LEKR1: variants seen among roughly 807,000 people sequenced by gnomAD.
The protein encoded by LEKR1 is leucine, glutamate and lysine rich 1, also known as protein LEKR1.
A neutral mutation model predicts 72.4 loss-of-function variants in LEKR1; 59 were observed. That is an observed-to-expected ratio of 0.82 (90% CI 0.66 to 1.01). The LOEUF (loss-of-function observed/expected upper bound fraction) is 1.01. LEKR1 is among the 50% of genes least tolerant of loss of function. The pLI, the probability that LEKR1 is intolerant of heterozygous loss-of-function variation, is 0.00. For missense variants in LEKR1, 728 were observed against 759.2 expected (o/e 0.96, Z 0.48); for synonymous variants, 257 against 263.2 (o/e 0.98, Z 0.23).
intron 7 of LEKR1, among the ~76,000 whole-genome samples, chr3:156,981,607 C>T (rs976206961): frequency 4.6e-5 from 7 of 152,218 alleles, no homozygotes; most frequent in Non-Finnish European, 1.0e-4. Context: ...TGCTACCTGT[C>T]TCTAGCTCTT....
intron 9 of LEKR1, among the ~76,000 whole-genome samples, chr3:157,006,901 T>C (rs1222865879): frequency 6.6e-6 from 1 of 151,488 alleles, no homozygotes; most frequent in Non-Finnish European, 1.5e-5. Flanking sequence ...GGGGCAGGAG[T>C]GATGGATTAC....
At chr3:156,926,577 A>G (rs1268660070) in intron 4 of LEKR1, among the ~76,000 whole-genome samples, 2 of 151,964 alleles carry the variant, frequency 1.3e-5, no homozygotes, top group South Asian at 2.1e-4. Flanking sequence ...GATTCTTTTT[A>G]GTTTCAGTCC....
chr3:156,949,604 T>C (rs996971915), intron 6 of LEKR1, among the ~76,000 whole-genome samples: 6 of 151,272 alleles, frequency 4.0e-5, no homozygotes, highest in African/African-American at 1.5e-4. Flanking sequence ...TAAACTCCTC[T>C]GGGCCTTAGT....
At chr3:156,984,947 A>G (rs1730548413) in intron 7 of LEKR1, among the ~76,000 whole-genome samples, 1 of 151,924 alleles carries the variant, frequency 6.6e-6, no homozygotes, top group Non-Finnish European at 1.5e-5. Flanking sequence ...TGAGATATAA[A>G]TATCAGCGTT....
intron 6 of LEKR1, among the ~76,000 whole-genome samples, chr3:156,967,389 C>T (rs191548750): frequency 2.4e-4 from 36 of 152,162 alleles, no homozygotes; most frequent in African/African-American, 7.0e-4. Context: ...AAAAATTAGA[C>T]GAATGGATAA....
At chr3:156,921,461 C>T (rs1724189087) in intron 4 of LEKR1, among the ~76,000 whole-genome samples, 2 of 152,052 alleles carry the variant, frequency 1.3e-5, no homozygotes, top group Admixed American at 6.6e-5. Flanking sequence ...CTGATAATAA[C>T]CTATTGAACA....
At chr3:157,009,741 A>G (rs1165051411) in intron 9 of LEKR1, among the ~76,000 whole-genome samples, 1 of 152,096 alleles carries the variant, frequency 6.6e-6, no homozygotes, top group African/African-American at 2.4e-5. Context: ...TGAGAAATCT[A>G]TGGTAGATTC....
Position 156,845,332 on chromosome 3 carries a change from T to A in LEKR1, c.49-7436T>A, listed in dbSNP as rs540659111. 3.9e-5 allele frequency among the ~76,000 whole-genome samples: 6 copies of A among 152,184 alleles called. No homozygotes were observed. The South Asian group carries it at 1.0e-3, about 26-fold the overall frequency. On this transcript the variant is annotated intron_variant, in intron 2 of 12. Coordinates refer to ENST00000356539, the MANE Select transcript of LEKR1 (RefSeq NM_001004316.3). ...AGGTCTTTTACAGATCAGAAGTTTT[T>A]AAATTTGATGAAATTCAGGTTATCA...
At position 156,950,242 on chromosome 3, in the gene LEKR1, TG is replaced by T. The variant is rs1441414135; in HGVS notation, c.745+7530del. Among the ~76,000 whole-genome samples, 6 of 151,678 alleles carry T rather than the reference TG, an allele frequency of 4.0e-5. No individual in the cohort carries two copies. In the East Asian group the frequency reaches 1.2e-3, roughly 29 times the overall value. On this transcript the variant is annotated intron_variant, in intron 6 of 12. Transcript: ENST00000356539. The stretch of plus-strand genomic sequence containing the variant: ...TTATATTGTTTTGATTACTACAGCC[TG>T]GTAGTATAGTTTGAAGTTGGATAAT...
intron 12 of LEKR1, among the ~76,000 whole-genome samples, chr3:157,031,889 C>T (rs1734636163): frequency 1.3e-5 from 2 of 152,084 alleles, no homozygotes; most frequent in African/African-American, 4.8e-5. Context: ...AATGGGCCTT[C>T]CTAAGTGGAG....
rs1432353228 is a variant in LEKR1 at position 156,874,958 on chromosome 3, C to T, written c.263+21976C>T. ...TGGTTGATGGGTATTTAGACTGGTTCCATATTTTTGCAATTGTGAATTGTG... is the reference window on the plus strand; with the variant it reads ...TGGTTGATGGGTATTTAGACTGGTTTCATATTTTTGCAATTGTGAATTGTG... On this transcript the variant is annotated intron_variant, in intron 3 of 12. Coordinates refer to ENST00000356539, the MANE Select transcript of LEKR1 (RefSeq NM_001004316.3). 2.6e-5 allele frequency among the ~76,000 whole-genome samples: 4 copies of T among 152,092 alleles called. No individual in the cohort carries two copies. In the East Asian group the frequency reaches 7.7e-4, roughly 29 times the overall value.
At chr3:157,013,663 C>A (rs893351359) in intron 10 of LEKR1, among the ~76,000 whole-genome samples, 1 of 151,930 alleles carries the variant, frequency 6.6e-6, no homozygotes, top group African/African-American at 2.4e-5. Flanking sequence ...AAATCAAGAT[C>A]CAGACCAGAA....
At position 156,990,346 on chromosome 3, in the gene LEKR1, T is replaced by C. The variant is rs371505367; in HGVS notation, c.828-2307T>C. 2.4e-4 allele frequency among the ~76,000 whole-genome samples: 36 copies of C among 152,268 alleles called. No individual in the cohort carries two copies. In the South Asian group the frequency reaches 3.9e-3, roughly 17 times the overall value. On this transcript the variant is annotated intron_variant, in intron 7 of 12. Transcript: ENST00000356539. ...GTTAATTTTGATCACCTGATCAAGA[T>C]GTTGCTCAATTTTTCTGCATAATTA...
intron 7 of LEKR1, among the ~76,000 whole-genome samples, chr3:156,991,439 A>G (rs1731138662): frequency 6.6e-6 from 1 of 152,154 alleles, no homozygotes; most frequent in South Asian, 2.1e-4. Flanking sequence ...ATTACTAGAA[A>G]TTAAAGTCAT....
chr3:156,940,074 G>T (rs749152165), intron 5 of LEKR1, among the ~76,000 whole-genome samples: 28 of 152,070 alleles, frequency 1.8e-4, no homozygotes, highest in Non-Finnish European at 2.9e-4. Flanking sequence ...CACATATTCA[G>T]GATCTTCAAC....
At chr3:156,859,197 G>C (rs1716454078) in intron 3 of LEKR1, among the ~76,000 whole-genome samples, 1 of 152,062 alleles carries the variant, frequency 6.6e-6, no homozygotes, top group African/African-American at 2.4e-5. Context: ...AGTTTTGTCA[G>C]TTTCACTTGA....
intron 3 of LEKR1, among the ~76,000 whole-genome samples, chr3:156,853,685 A>G (rs1246959693): frequency 6.6e-6 from 1 of 152,104 alleles, no homozygotes; most frequent in Non-Finnish European, 1.5e-5. Context: ...TGGATTAAAT[A>G]CTTTTATTAA....
intron 5 of LEKR1, among the ~76,000 whole-genome samples, chr3:156,938,811 T>C (rs753072308): frequency 7.5e-4 from 115 of 152,336 alleles, no homozygotes; most frequent in Non-Finnish European, 1.2e-3. Context: ...AATATCAGAA[T>C]GCCTTGATAA....
At chr3:156,852,036 A>G (rs1715427893) in intron 2 of LEKR1, 2 of 152,230 alleles carry the variant, frequency 1.3e-5, no homozygotes, top group South Asian at 4.1e-4. Context: ...GATCTATCCA[A>G]TATACATGTG....
Sources: gnomAD v4.1 joint callset for allele counts (sites outside exome capture counted in the v4.1 genomes callset) on GRCh38, gnomAD v4.1.1 for gene constraint, MANE v1.5 for transcripts, NCBI Gene and HGNC (gene_info 2026-07-23, HGNC 2026-07-21) for gene names.